The following AP3B1 variants were observed in gnomAD, a reference collection of about 807,000 sequenced individuals.
AP3B1 encodes adaptor related protein complex 3 subunit beta 1, also known as AP-3 complex subunit beta-1.
Under a neutral mutation model 132.5 loss-of-function variants are expected in AP3B1, and 61 were observed. The observed-to-expected ratio is 0.46, with a 90% CI of 0.37 to 0.57. The LOEUF is 0.57. AP3B1 is among the 20% of genes least tolerant of loss of function. AP3B1 has a pLI of 0.00. For missense variants in AP3B1, 1,120 were observed against 1,289.4 expected (o/e 0.87, Z 2.01); for synonymous variants, 388 against 438.3 (o/e 0.89, Z 1.43).
chr5:78,278,996 T>C (rs1185591351), intron 1 of AP3B1, among the ~76,000 whole-genome samples: 1 of 152,132 alleles, frequency 6.6e-6, no homozygotes, highest in African/African-American at 2.4e-5. Flanking sequence ...TACTGCTGGT[T>C]TGGCGATTGC....
At chr5:78,231,800 G>C (rs770821735) in intron 3 of AP3B1, among the ~76,000 whole-genome samples, 7 of 152,144 alleles carry the variant, frequency 4.6e-5, no homozygotes, top group African/African-American at 7.2e-5. Context: ...TGTTCTAAAT[G>C]TCTTACATAA....
intron 1 of AP3B1, among the ~76,000 whole-genome samples, chr5:78,269,267 C>T (rs1402553764): frequency 6.6e-6 from 1 of 152,090 alleles, no homozygotes; most frequent in East Asian, 1.9e-4. Context: ...ACCTAGTTAC[C>T]TGTAGCTTTC....
At chr5:78,049,370 TATTA>T (rs528775375) in intron 22 of AP3B1, among the ~76,000 whole-genome samples, 1 of 152,244 alleles carries the variant, frequency 6.6e-6, no homozygotes, top group South Asian at 2.1e-4. Context: ...ACCATTAATT[TATTA>T]ATTCATTCTT....
At chr5:78,103,125 C>A (rs982231128) in intron 20 of AP3B1, among the ~76,000 whole-genome samples, 3 of 152,172 alleles carry the variant, frequency 2.0e-5, no homozygotes, top group Middle Eastern at 6.8e-3. Context: ...GTTTGGTATT[C>A]CTCTTATATT....
chr5:78,147,677 T>A (rs1302849580), intron 14 of AP3B1, among the ~76,000 whole-genome samples: 1 of 152,128 alleles, frequency 6.6e-6, no homozygotes, highest in Non-Finnish European at 1.5e-5. Flanking sequence ...CTGAAAAAAA[T>A]AAGCTTTGCT....
chr5:78,141,147 T>C lies in AP3B1; in HGVS notation c.1646A>G (p.Lys549Arg), dbSNP rs762743311. The change falls in exon 15 of 27, where the codon AAA (lysine) becomes AGA (arginine). Residue 549 changes from lysine (K) to arginine (R), a missense_variant. Around this residue, in one of 3 missense-constraint regions of AP3B1, gnomAD observed 906 missense variants for 997.1 expected, o/e 0.91. Transcript: ENST00000255194. ...TGACTAACATTTGCCTCTCACCTGT[T>C]TGGAGTTGGTTAAATACAATTTTGC... Reference protein sequence around the residue: ...LGAKLYLTNSKQTKLLTQYIL... With the variant: ...LGAKLYLTNSRQTKLLTQYIL... 1.5e-5 allele frequency: 24 copies of C among 1,613,308 alleles called. No individual in the cohort carries two copies. Among genetic ancestry groups the C allele is most frequent in the East Asian group, 2.2e-5 (1 of 44,852 alleles).
At chr5:78,218,831 T>C (rs540058105) in intron 6 of AP3B1, among the ~76,000 whole-genome samples, 1 of 152,106 alleles carries the variant, frequency 6.6e-6, no homozygotes, top group Non-Finnish European at 1.5e-5. Context: ...TTTCTTCCCT[T>C]AAATTAATGG....
At chr5:78,181,714 C>CATA (rs1204795497) in intron 7 of AP3B1, 52 bp from the exon 8 acceptor site, 1 of 1,519,598 alleles carries the variant, frequency 6.6e-7, no homozygotes, top group Admixed American at 1.8e-5. Flanking sequence ...GAGCAATCTG[C>CATA]ATATTATATA....
chr5:78,065,422 C>T (rs1427835334), intron 22 of AP3B1, among the ~76,000 whole-genome samples: 5 of 152,154 alleles, frequency 3.3e-5, no homozygotes, highest in Non-Finnish European at 4.4e-5. Flanking sequence ...ACCGAGCTCC[C>T]GGGCAAGGGG....
At chr5:78,047,670 A>G (rs977883673) in intron 22 of AP3B1, among the ~76,000 whole-genome samples, 5 of 152,300 alleles carry the variant, frequency 3.3e-5, no homozygotes, top group Admixed American at 1.3e-4. Context: ...TACTCTGATC[A>G]GGTTCCTCTC....
At chr5:78,083,714 A>C (rs1445427986) in intron 22 of AP3B1, among the ~76,000 whole-genome samples, 1 of 152,204 alleles carries the variant, frequency 6.6e-6, no homozygotes, top group Non-Finnish European at 1.5e-5. Flanking sequence ...TTTATTATAG[A>C]GTTATTAAAA....
At chr5:78,183,417 C>T (rs1413727837) in intron 7 of AP3B1, among the ~76,000 whole-genome samples, 1 of 152,028 alleles carries the variant, frequency 6.6e-6, no homozygotes, top group African/African-American at 2.4e-5. Flanking sequence ...AGGAAGATCT[C>T]AAACTGAATA....
At chr5:78,199,982 T>C (rs1305643800) in intron 7 of AP3B1, among the ~76,000 whole-genome samples, 1 of 152,114 alleles carries the variant, frequency 6.6e-6, no homozygotes, top group Non-Finnish European at 1.5e-5. Flanking sequence ...AAAAAAATCA[T>C]ATAAACAAGT....
At chr5:78,176,522 C>A (rs1303592990) in intron 9 of AP3B1, among the ~76,000 whole-genome samples, 1 of 152,032 alleles carries the variant, frequency 6.6e-6, no homozygotes, top group African/African-American at 2.4e-5. Context: ...TTCCTTCCAA[C>A]GCAATTAGTG....
intron 22 of AP3B1, among the ~76,000 whole-genome samples, chr5:78,052,062 C>A (rs12654958): frequency 0.027 from 4,037 of 152,036 alleles, 157 homozygotes; most frequent in East Asian, 0.14. Flanking sequence ...TACATATAAG[C>A]ACAGACTCGA....
chr5:78,011,351 G>A (rs778505301), intron 26 of AP3B1, among the ~76,000 whole-genome samples: 1 of 151,992 alleles, frequency 6.6e-6, no homozygotes, highest in Non-Finnish European at 1.5e-5. Context: ...CGGCCACTCT[G>A]TATATCTCAA....
At chr5:78,267,731 C>A in intron 1 of AP3B1, 136 bp from the exon 2 acceptor site, 2 of 548,088 alleles carry the variant, frequency 3.6e-6, no homozygotes, top group South Asian at 2.4e-5. Flanking sequence ...TGGCCATCTG[C>A]AGGCCAGAGA....
At chr5:78,293,478 C>T (rs376821813) in intron 1 of AP3B1, among the ~76,000 whole-genome samples, 16 of 152,218 alleles carry the variant, frequency 1.1e-4, no homozygotes, top group East Asian at 5.8e-4. Context: ...AATGTAATCC[C>T]AATTTGAAGT....
intron 22 of AP3B1, among the ~76,000 whole-genome samples, chr5:78,081,828 C>T (rs542442277): frequency 1.3e-5 from 2 of 151,654 alleles, no homozygotes; most frequent in Middle Eastern, 3.4e-3. Context: ...TTCTGAGGAA[C>T]AGAAAAATTA....
Sources: gnomAD v4.1 joint callset for allele counts (sites outside exome capture counted in the v4.1 genomes callset) on GRCh38, gnomAD v4.1.1 for gene constraint, gnomAD v4.1.1 regional missense constraint, MANE v1.5 for transcripts, NCBI Gene and HGNC (gene_info 2026-07-23, HGNC 2026-07-21) for gene names.